Variants in ROBO2 observed in about 807,000 individuals in gnomAD.
ROBO2 encodes the protein roundabout guidance receptor 2.
A neutral mutation model predicts 160.8 loss-of-function variants in ROBO2; 53 were observed. The observed-to-expected ratio is 0.33, with a 90% CI of 0.26 to 0.41. The LOEUF is 0.41. Among genes scored for constraint, ROBO2 ranks in the 10% least tolerant of loss-of-function variants. ROBO2 has a pLI of 1.00. For synonymous variants in ROBO2, 664 were observed against 611.7 expected (o/e 1.09, Z -1.26); for missense variants, 1,577 against 1,722.4 (o/e 0.92, Z 1.49).
chr3:77,446,456 G>A (rs1007737753), intron 2 of ROBO2, among the ~76,000 whole-genome samples: 2 of 152,004 alleles, frequency 1.3e-5, no homozygotes. Flanking sequence ...ATTTCTCATT[G>A]CACCCAAGTG....
chr3:77,198,578 G>A (rs1260655784), intron 2 of ROBO2, among the ~76,000 whole-genome samples: 1 of 152,130 alleles, frequency 6.6e-6, no homozygotes, highest in African/African-American at 2.4e-5. Context: ...GGCTTTTTCA[G>A]CCGGGCCCCA....
intron 2 of ROBO2, among the ~76,000 whole-genome samples, chr3:76,976,505 T>C (rs557765720): frequency 4.6e-5 from 7 of 152,310 alleles, no homozygotes; most frequent in African/African-American, 1.7e-4. Context: ...ATTTTTAGTA[T>C]GTCCACTGAA....
intron 2 of ROBO2, among the ~76,000 whole-genome samples, chr3:76,815,648 A>C (rs1466860019): frequency 7.2e-6 from 1 of 139,712 alleles, no homozygotes; most frequent in Admixed American, 6.9e-5. Flanking sequence ...AAAATGGCCT[A>C]TCTTCTGGGT....
At chr3:77,294,385 G>T (rs9843002) in intron 2 of ROBO2, among the ~76,000 whole-genome samples, 308 of 24,872 alleles carry the variant, frequency 0.012, 25 homozygotes, top group Non-Finnish European at 0.022. Context: ...CTGAGGCTAG[G>T]TCACCAAAGA....
intron 2 of ROBO2, among the ~76,000 whole-genome samples, chr3:76,779,852 T>C (rs145528993): frequency 6.6e-6 from 1 of 151,196 alleles, no homozygotes; most frequent in African/African-American, 2.4e-5. Context: ...TAATGCTACA[T>C]GAAACTGGAA....
chr3:76,803,216 T>C (rs909050743), intron 2 of ROBO2, among the ~76,000 whole-genome samples: 1 of 152,164 alleles, frequency 6.6e-6, no homozygotes, highest in African/African-American at 2.4e-5. Context: ...CTGCTTATTT[T>C]TGAGGAATTC....
intron 6 of ROBO2, among the ~76,000 whole-genome samples, chr3:77,525,540 T>G (rs1337328032): frequency 2.0e-5 from 3 of 151,208 alleles, no homozygotes; most frequent in Non-Finnish European, 4.4e-5. Flanking sequence ...AGCATTTTCA[T>G]TCTAATCAAT....
intron 6 of ROBO2, 122 bp from the exon 7 acceptor site, chr3:77,527,281 C>A (rs2153631699): frequency 1.7e-6 from 1 of 573,266 alleles, no homozygotes. Context: ...AATTGTGAGA[C>A]TAGAAATCAC....
chr3:77,377,158 G>A, intron 2 of ROBO2, among the ~76,000 whole-genome samples: 1 of 151,150 alleles, frequency 6.6e-6, no homozygotes, highest in Non-Finnish European at 1.5e-5. Flanking sequence ...TTTTATATTT[G>A]GATATAAAAT....
chr3:77,214,077 T>C (rs1257322572), intron 2 of ROBO2, among the ~76,000 whole-genome samples: 2 of 152,206 alleles, frequency 1.3e-5, no homozygotes, highest in African/African-American at 2.4e-5. Context: ...TGGAGAGTTC[T>C]GTAGATGTCT....
chr3:76,796,964 C>A (rs1399112463), intron 2 of ROBO2, among the ~76,000 whole-genome samples: 1 of 152,010 alleles, frequency 6.6e-6, no homozygotes, highest in Non-Finnish European at 1.5e-5. Context: ...ATCTTCAGAG[C>A]TAAAGAGAGA....
At chr3:76,511,856 G>A (rs1003781532) in intron 2 of ROBO2, among the ~76,000 whole-genome samples, 13 of 152,158 alleles carry the variant, frequency 8.5e-5, no homozygotes, top group Admixed American at 6.5e-4. Flanking sequence ...GAAGAAGTGG[G>A]TATCACAGGA....
At chr3:76,123,257 C>T (rs923740243) in intron 2 of ROBO2, among the ~76,000 whole-genome samples, 1 of 151,998 alleles carries the variant, frequency 6.6e-6, no homozygotes, top group Non-Finnish European at 1.5e-5. Flanking sequence ...TTTGCATTTT[C>T]CGTGTATTTT....
intron 1 of ROBO2, among the ~76,000 whole-genome samples, chr3:77,076,236 T>C (rs773814795): frequency 1.6e-4 from 24 of 152,126 alleles, no homozygotes; most frequent in Non-Finnish European, 2.8e-4. Flanking sequence ...TCTCCTGTAT[T>C]GATGGTTATT....
chr3:75,945,968 A>G (rs1948275309), intron 2 of ROBO2, among the ~76,000 whole-genome samples: 1 of 152,092 alleles, frequency 6.6e-6, no homozygotes, highest in East Asian at 1.9e-4. Flanking sequence ...AAGATACTTG[A>G]AAGTGGAAAA....
At chr3:76,642,412 G>T (rs985834965) in intron 2 of ROBO2, among the ~76,000 whole-genome samples, 2 of 139,668 alleles carry the variant, frequency 1.4e-5, no homozygotes, top group Admixed American at 1.5e-4. Context: ...GAGTGTAATG[G>T]CGTGATCTCA....
At chr3:77,310,264 G>A (rs780074711) in intron 2 of ROBO2, among the ~76,000 whole-genome samples, 70 of 152,076 alleles carry the variant, frequency 4.6e-4, no homozygotes, top group Non-Finnish European at 7.9e-4. Context: ...CCTATTTGTA[G>A]CCTGATGGTA....
intron 2 of ROBO2, among the ~76,000 whole-genome samples, chr3:77,241,831 A>G (rs1280961118): frequency 1.3e-5 from 2 of 152,172 alleles, no homozygotes; most frequent in Admixed American, 6.5e-5. Flanking sequence ...AAGATCATCC[A>G]TTTGTATCAG....
At chr3:76,615,088 T>G (rs1204252143) in intron 2 of ROBO2, among the ~76,000 whole-genome samples, 1 of 152,162 alleles carries the variant, frequency 6.6e-6, no homozygotes, top group Non-Finnish European at 1.5e-5. Flanking sequence ...AAATTCTGAC[T>G]CTAGACCAAT....
Sources: allele counts gnomAD v4.1 joint callset (sites outside exome capture counted in the v4.1 genomes callset), GRCh38; gene constraint gnomAD v4.1.1; transcripts MANE v1.5; gene names NCBI Gene and HGNC (gene_info 2026-07-23, HGNC 2026-07-21).